FRMD4B: variants seen among roughly 807,000 people sequenced by gnomAD.
The protein encoded by FRMD4B is FERM domain containing 4B.
A neutral mutation model predicts 141.5 loss-of-function variants in FRMD4B; 74 were observed. The observed-to-expected ratio is 0.52, with a 90% CI of 0.43 to 0.63. FRMD4B has a LOEUF of 0.63. FRMD4B is among the 30% of genes least tolerant of loss of function. The pLI, the probability that FRMD4B is intolerant of heterozygous loss-of-function variation, is 0.00. For synonymous variants in FRMD4B, 506 were observed against 467.9 expected, an observed-to-expected ratio of 1.08 and a Z score of -1.05; for missense variants, 1,366 against 1,253.4, an observed-to-expected ratio of 1.09 and a Z score of -1.36.
intron 1 of FRMD4B, among the ~76,000 whole-genome samples, chr3:69,323,658 T>G (rs1385152662): frequency 8.0e-6 from 1 of 125,536 alleles, no homozygotes; most frequent in African/African-American, 2.9e-5. Flanking sequence ...ATATATGCGT[T>G]TTAAATGAAT....
rs558249276 is a variant in FRMD4B, at chr3:69,505,227, A to T, written c.-129+36979T>A. ...TCTACAAAAAATTAAAAATAAAAAAAATAAGCTGGGCATGGTAGCACATGC... is the reference window on the plus strand; with the variant it reads ...TCTACAAAAAATTAAAAATAAAAAATATAAGCTGGGCATGGTAGCACATGC... On this transcript the variant is annotated intron_variant, in intron 1 of 5. Coordinates refer to the FRMD4B transcript ENST00000459638. 2.0e-5 allele frequency among the ~76,000 whole-genome samples: 3 copies of T among 152,214 alleles called. No individual in the cohort carries two copies. In the South Asian group the frequency reaches 6.2e-4, roughly 32 times the overall value.
chr3:69,418,563 T>C (rs566895945), intron 2 of FRMD4B, among the ~76,000 whole-genome samples: 1 of 152,300 alleles, frequency 6.6e-6, no homozygotes, highest in African/African-American at 2.4e-5. Context: ...CTTGCTGTCT[T>C]TGAAGAGCAA....
chr3:69,239,718 A>C (rs1559743994), intron 7 of FRMD4B, among the ~76,000 whole-genome samples: 1 of 151,986 alleles, frequency 6.6e-6, no homozygotes. Context: ...ATGGGTGCAG[A>C]GTTTCTGTTT....
chr3:69,305,307 C>A (rs1433998714), intron 3 of FRMD4B, among the ~76,000 whole-genome samples: 1 of 152,054 alleles, frequency 6.6e-6, no homozygotes, highest in East Asian at 1.9e-4. Context: ...CAAGACAAGG[C>A]TTCTGATACC....
chr3:69,338,214 A>T (rs1702618410), intron 1 of FRMD4B, among the ~76,000 whole-genome samples: 1 of 152,188 alleles, frequency 6.6e-6, no homozygotes, highest in African/African-American at 2.4e-5. Flanking sequence ...AGGACAAAAA[A>T]CCAAACTCCA....
chr3:69,285,116 CTG>C (rs985585292), intron 5 of FRMD4B, among the ~76,000 whole-genome samples: 14 of 152,098 alleles, frequency 9.2e-5, no homozygotes, highest in African/African-American at 3.4e-4. Context: ...TGAGCCAAGA[CTG>C]TGCCACCGCA....
chr3:69,198,997 G>A (rs1312751115), intron 11 of FRMD4B: 7 of 485,498 alleles, frequency 1.4e-5, no homozygotes, highest in South Asian at 4.5e-5. Flanking sequence ...TCGGCCGGGC[G>A]CGGTGGCTCA....
At chr3:69,433,853 G>A (rs1168699877) in intron 1 of FRMD4B, among the ~76,000 whole-genome samples, 1 of 152,066 alleles carries the variant, frequency 6.6e-6, no homozygotes, top group Non-Finnish European at 1.5e-5. Flanking sequence ...TATCCTCTTG[G>A]TCCTCATGAT....
rs748276583 is a variant in FRMD4B at position 69,313,490 on chromosome 3, G to A, written c.190C>T (p.His64Tyr). The A allele has an allele frequency of 3.8e-6, 6 of 1,571,322 alleles. No homozygotes were observed. The Admixed American group carries it at 7.4e-5, about 19-fold the overall frequency. Residue 64 changes from histidine to tyrosine, a missense_variant, in exon 2 of 23, where the codon CAC (histidine) becomes TAC (tyrosine). Coordinates refer to ENST00000398540, the MANE Select transcript of FRMD4B (RefSeq NM_015123.3). Reference sequence around the variant, plus strand: ...TCCAGTCTCCTATCATCCAGGAGGTGCACCTGGCAGTGCCTGCCTTCTGTC... The same window carrying A: ...TCCAGTCTCCTATCATCCAGGAGGTACACCTGGCAGTGCCTGCCTTCTGTC... ...QMTEGRHCQV[H>Y]LLDDRRLELL...
chr3:69,463,170 A>G (rs749260465), intron 1 of FRMD4B, among the ~76,000 whole-genome samples: 3 of 152,234 alleles, frequency 2.0e-5, no homozygotes, highest in Non-Finnish European at 4.4e-5. Context: ...AAGTTTCCTT[A>G]GACCCCTCAC....
At chr3:69,408,717 C>T (rs968488115) in intron 2 of FRMD4B, among the ~76,000 whole-genome samples, 1 of 152,066 alleles carries the variant, frequency 6.6e-6, no homozygotes, top group Non-Finnish European at 1.5e-5. Flanking sequence ...GAGCCAGCAG[C>T]ATTTGGAGAT....
At chr3:69,338,820 A>T (rs1037440844) in intron 1 of FRMD4B, among the ~76,000 whole-genome samples, 2 of 152,204 alleles carry the variant, frequency 1.3e-5, no homozygotes. Flanking sequence ...ACCTGCACAC[A>T]TACCCCTGAA....
chr3:69,473,418 T>C (rs1705929191), intron 1 of FRMD4B, among the ~76,000 whole-genome samples: 1 of 152,290 alleles, frequency 6.6e-6, no homozygotes, highest in South Asian at 2.1e-4. Flanking sequence ...TTCTACAATT[T>C]GGCTTCATTG....
At chr3:69,295,348 G>T (rs1435323825) in intron 4 of FRMD4B, among the ~76,000 whole-genome samples, 1 of 152,142 alleles carries the variant, frequency 6.6e-6, no homozygotes, top group Non-Finnish European at 1.5e-5. Context: ...TTGAGACAGG[G>T]TCTTGCTCTG....
chr3:69,325,759 C>A (rs763759177), intron 1 of FRMD4B, among the ~76,000 whole-genome samples: 1 of 152,146 alleles, frequency 6.6e-6, no homozygotes, highest in Non-Finnish European at 1.5e-5. Context: ...ATCAGTAATA[C>A]ACCATTTATT....
intron 3 of FRMD4B, among the ~76,000 whole-genome samples, chr3:69,309,782 A>G (rs1035037806): frequency 3.9e-5 from 6 of 152,078 alleles, no homozygotes; most frequent in African/African-American, 1.4e-4. Flanking sequence ...TCCAATATTC[A>G]TGTTGTTAAC....
intron 1 of FRMD4B, among the ~76,000 whole-genome samples, chr3:69,486,818 G>A (rs1194383956): frequency 6.6e-6 from 1 of 152,166 alleles, no homozygotes; most frequent in Non-Finnish European, 1.5e-5. Flanking sequence ...AAGAAGCAAT[G>A]TTTGCTCATT....
At chr3:69,321,947 G>C (rs1702014404) in intron 1 of FRMD4B, among the ~76,000 whole-genome samples, 1 of 152,120 alleles carries the variant, frequency 6.6e-6, no homozygotes, top group African/African-American at 2.4e-5. Flanking sequence ...GGCTCAAGTA[G>C]TCCTCCTGCC....
chr3:69,385,732 A>C, intron 1 of FRMD4B, 96 bp downstream of exon 1: 12 of 1,083,532 alleles, frequency 1.1e-5, no homozygotes, highest in East Asian at 3.0e-5. Flanking sequence ...GAGTTTAAGA[A>C]GAGCTGGGGG....
Sources: allele counts gnomAD v4.1 joint callset (sites outside exome capture counted in the v4.1 genomes callset), GRCh38; gene constraint gnomAD v4.1.1; transcripts MANE v1.5; gene names NCBI Gene and HGNC (gene_info 2026-07-23, HGNC 2026-07-21).